Variants in KCNH2 observed in about 807,000 individuals in gnomAD.
The protein encoded by KCNH2 is voltage-gated inwardly rectifying potassium channel KCNH2.
Under a neutral mutation model 95.9 loss-of-function variants are expected in KCNH2, and 35 were observed. The ratio of observed to expected loss-of-function variants is 0.37; its 90% CI spans 0.28 to 0.48. KCNH2 has a LOEUF of 0.48. Among genes scored for constraint, KCNH2 ranks in the 20% least tolerant of loss-of-function variants. The pLI is 0.99. For synonymous variants in KCNH2, 786 were observed against 754.7 expected (o/e 1.04, Z -0.68); for missense variants, 1,274 against 1,702.9 (o/e 0.75, Z 4.43).
chr7:150,950,185 A>T lies in KCNH2; in HGVS notation c.2381T>A (p.Val794Asp), dbSNP rs1329503347. 7.9e-7 allele frequency: 1 copy of T among 1,258,080 alleles called. No individual in the cohort carries two copies. Among genetic ancestry groups the T allele is most frequent in the Non-Finnish European group, 1.1e-6 (1 of 925,448 alleles). The allele number at this position is 1,258,080 out of a possible 1,614,324, so 77.9% of individuals were successfully genotyped here. The change falls in exon 9 of 15, where the codon GTC becomes GAC. Residue 794 changes from valine (V) to aspartate (D), a missense_variant. Val to Asp is a radical substitution (Grantham distance 152, BLOSUM62 -3). This residue lies in a region of KCNH2 where 159 missense variants were observed against 282.5 expected (regional missense o/e 0.56). Coordinates refer to ENST00000262186, the MANE Select transcript of KCNH2 (RefSeq NM_000238.4). ...CCCCATACCCAGGATGGCCACGACGACGTCGCCCCGCAGGATCTCGATGGA... is the reference window on the plus strand; with the variant it reads ...CCCCATACCCAGGATGGCCACGACGTCGTCGCCCCGCAGGATCTCGATGGA... ...RGSIEILRGD[V>D]VVAILGKNDI... is the part of the protein sequence containing the mutation.
rs942258265 is a variant in KCNH2, at chr7:150,974,345, CT to C, written c.307+365del. Among the ~76,000 whole-genome samples, 41 of 152,330 alleles carry C rather than the reference CT, an allele frequency of 2.7e-4. 1 individual carries two copies. Among genetic ancestry groups the C allele is most frequent in the African/African-American group, 9.6e-4 (40 of 41,582 alleles). Reference sequence around the variant, plus strand: ...GTCAGCGCACAACTGCCAATCTGACCTTTAACCTCCATCCACGCACGTACCT... The same window carrying C: ...GTCAGCGCACAACTGCCAATCTGACCTTAACCTCCATCCACGCACGTACCT... On this transcript the variant is annotated intron_variant, in intron 2 of 14. Coordinates refer to ENST00000262186, the MANE Select transcript of KCNH2 (RefSeq NM_000238.4).
chr7:150,967,027 C>T (rs1411464914), intron 2 of KCNH2, among the ~76,000 whole-genome samples: 1 of 152,226 alleles, frequency 6.6e-6, no homozygotes, highest in Non-Finnish European at 1.5e-5. Flanking sequence ...TGTCTGTAAT[C>T]CAGCACTTTG....
Position 150,945,651 on chromosome 7 carries a change from A to G in KCNH2, c.3331-137T>C. On this transcript the variant is annotated intron_variant, in intron 14 of 14. Transcript: ENST00000262186. The surrounding 1 kb of genome is among the most constrained non-coding windows in gnomAD (Gnocchi z 5.6). ...CAAGAGGAGAGTCAGGTGGGCAGAG[A>G]AGCTGGAGGGGACAAGAGCCAAGGC... The G allele has an allele frequency of 1.1e-6, 1 of 927,170 alleles. No individual in the cohort carries two copies. Among genetic ancestry groups the G allele is most frequent in the East Asian group, 2.6e-5 (1 of 37,950 alleles). 57.4% of individuals were successfully genotyped at this position (927,170 alleles called of 1,614,324 possible). A position where few individuals can be genotyped will look rare whatever the true frequency, so the allele number is the denominator to read the frequency against.
intron 5 of KCNH2, among the ~76,000 whole-genome samples, chr7:150,956,463 G>C (rs1216333506): frequency 6.6e-6 from 1 of 152,084 alleles, no homozygotes; most frequent in East Asian, 1.9e-4. Context: ...ATTATCCCAG[G>C]CTTCTCACTC....
chr7:150,966,071 C>T (rs985989407), intron 2 of KCNH2, among the ~76,000 whole-genome samples: 22 of 152,212 alleles, frequency 1.4e-4, no homozygotes, highest in East Asian at 1.9e-4. Context: ...CAAGGGAAGG[C>T]GGCAAAAGCA....
intron 5 of KCNH2, among the ~76,000 whole-genome samples, chr7:150,954,102 G>A (rs898446467): frequency 3.9e-5 from 6 of 152,160 alleles, no homozygotes; most frequent in South Asian, 2.1e-4. Context: ...GGCCTCCAGC[G>A]GTACCAGATG....
intron 8 of KCNH2, among the ~76,000 whole-genome samples, 200 bp from the exon 9 acceptor site, chr7:150,950,620 T>C (rs1801112265): frequency 6.6e-6 from 1 of 152,134 alleles, no homozygotes; most frequent in Non-Finnish European, 1.5e-5. Context: ...CGAGCACCCT[T>C]GGGCTCTAGA....
chr7:150,966,377 C>A (rs1801702624), intron 2 of KCNH2, among the ~76,000 whole-genome samples: 1 of 16,326 alleles, frequency 6.1e-5, no homozygotes, highest in African/African-American at 4.0e-4. Context: ...ATTGATTTGC[C>A]CCCTCCCCCC....
In KCNH2 at chr7:150,948,605, C is replaced by T. The variant is rs1584847365; in HGVS notation, c.2593-62G>A. On this transcript the variant is annotated intron_variant, in intron 10 of 14. Coordinates refer to ENST00000262186, the MANE Select transcript of KCNH2 (RefSeq NM_000238.4). ...TCTCCTGCCCCACCGGGGTCAGGCCCCAAGCTCCCTCCTTAACACAGAAAA... is the reference window on the plus strand; with the variant it reads ...TCTCCTGCCCCACCGGGGTCAGGCCTCAAGCTCCCTCCTTAACACAGAAAA... 2.8e-6 allele frequency: 4 copies of T among 1,431,540 alleles called. No individual in the cohort carries two copies. In the South Asian group the frequency reaches 3.4e-5, roughly 12 times the overall value. The allele number at this position is 1,431,540 out of a possible 1,614,324, so 88.7% of individuals were successfully genotyped here.
chr7:150,950,144 C>CCGGGGGGGGGGGGGGG, intron 9 of KCNH2, 24 bp downstream of exon 9: 1 of 1,589,016 alleles, frequency 6.3e-7, no homozygotes, highest in East Asian at 2.3e-5. Context: ...ATTTCCAGTC[C>CCGGGGGGGGGGGGGGG]AGTGCCCGCC....
chr7:150,959,858 C>A, intron 2 of KCNH2, 122 bp from the exon 3 acceptor site: 1 of 1,100,798 alleles, frequency 9.1e-7, no homozygotes, highest in Non-Finnish European at 1.3e-6. Context: ...TATGGCCCTT[C>A]CTCTCCGGGA....
chr7:150,957,705 C>G (rs1453479139), intron 4 of KCNH2, among the ~76,000 whole-genome samples: 2 of 152,204 alleles, frequency 1.3e-5, no homozygotes, highest in Non-Finnish European at 2.9e-5. Flanking sequence ...GCCCTGAGAC[C>G]AGGAAGAGGA....
intron 2 of KCNH2, among the ~76,000 whole-genome samples, chr7:150,967,711 C>A (rs1801742024): frequency 6.6e-6 from 1 of 152,246 alleles, no homozygotes; most frequent in Non-Finnish European, 1.5e-5. Context: ...AGACCCTCTG[C>A]AGCCTGAGAC....
chr7:150,947,595 G>GGGGTA lies in KCNH2; in HGVS notation c.2965+10_2965+11insTACCC, dbSNP rs775087418. On this transcript the variant is annotated intron_variant, in intron 12 of 14. Transcript: ENST00000262186. The stretch of plus-strand genomic sequence containing the variant: ...CCCGGTCCTCCCTCGCCCGCCCGTC[G>GGGGTA]CCCGGGATACCTGACAGGGGGTTGC... 1 of 1,611,850 alleles carries GGGGTA rather than the reference G, an allele frequency of 6.2e-7. No individual in the cohort carries two copies. Among genetic ancestry groups the GGGGTA allele is most frequent in the Admixed American group, 1.7e-5 (1 of 59,874 alleles).
At chr7:150,974,993 A>T (rs765142446) in intron 1 of KCNH2, 52 bp from the exon 2 acceptor site, 1 of 1,464,116 alleles carries the variant, frequency 6.8e-7, no homozygotes, top group African/African-American at 1.4e-5. Flanking sequence ...AGCCTCCGGG[A>T]CTCCCAGCCC....
At chr7:150,973,897 T>A (rs1446454569) in intron 2 of KCNH2, among the ~76,000 whole-genome samples, 1 of 152,212 alleles carries the variant, frequency 6.6e-6, no homozygotes, top group African/African-American at 2.4e-5. Context: ...CAGCAAGGTT[T>A]GCACGCGTTC....
intron 5 of KCNH2, among the ~76,000 whole-genome samples, chr7:150,953,115 G>A (rs982376255): frequency 9.2e-5 from 14 of 152,098 alleles, no homozygotes; most frequent in African/African-American, 2.4e-4. Context: ...CAGGCCACTC[G>A]GCAGGAACAC....
chr7:150,977,782 A>T, intron 1 of KCNH2, 56 bp downstream of exon 1: 5 of 839,558 alleles, frequency 6.0e-6, no homozygotes, highest in African/African-American at 1.8e-5. Flanking sequence ...CCACACTCGG[A>T]AGAGCTCGGC....
chr7:150,962,171 A>G lies in KCNH2; in HGVS notation c.308-2435T>C, dbSNP rs1026502042. On this transcript the variant is annotated intron_variant, in intron 2 of 14. Transcript: ENST00000262186. The surrounding 1 kb of genome is among the most constrained non-coding windows in gnomAD (Gnocchi z 5.7). ...TTTGGCACCCAGACAGCCTGCCTGG[A>G]GTTTATGCCCTAATATGGTGATGGC... is the stretch of plus-strand genomic sequence containing the variant. Among the ~76,000 whole-genome samples the G allele has an allele frequency of 6.6e-6, 1 of 152,192 alleles. No homozygotes were observed. The highest frequency in any genetic ancestry group is 2.4e-5 in the African/African-American group (1 of 41,444).
Sources: gnomAD v4.1 joint callset for allele counts (sites outside exome capture counted in the v4.1 genomes callset) on GRCh38, gnomAD v4.1.1 for gene constraint, gnomAD v4.1.1 regional missense constraint, Gnocchi (gnomAD v3.1) non-coding constraint, MANE v1.5 for transcripts, NCBI Gene and HGNC (gene_info 2026-07-23, HGNC 2026-07-21) for gene names.